Variants in CTNND2 observed in about 807,000 individuals in gnomAD.
CTNND2 encodes the protein catenin delta 2, also known as catenin delta-2.
Under a neutral mutation model 144.4 loss-of-function variants are expected in CTNND2, and 22 were observed. That is an observed-to-expected ratio of 0.15 (90% CI 0.11 to 0.22). The LOEUF is 0.22. Among genes scored for constraint, CTNND2 ranks in the 10% least tolerant of loss-of-function variants. CTNND2 has a pLI of 1.00. For missense variants in CTNND2, 1,353 were observed against 1,618.8 expected (o/e 0.84, Z 2.82); for synonymous variants, 751 against 695.6 (o/e 1.08, Z -1.25).
At position 11,304,045 on chromosome 5, in the gene CTNND2, C is replaced by T. The variant is rs188764295; in HGVS notation, c.1628+42327G>A. On this transcript the variant is annotated intron_variant, in intron 9 of 21. Coordinates refer to ENST00000304623, the MANE Select transcript of CTNND2 (RefSeq NM_001332.4). ...GTAAGAGGTGGCTTTCACCTTCCAC[C>T]GTGATTGTGAGGCCTCCCCAGCCAC... Among the ~76,000 whole-genome samples the T allele has an allele frequency of 9.9e-5, 15 of 152,230 alleles. No individual in the cohort carries two copies. The East Asian group carries it at 2.5e-3, about 25-fold the overall frequency.
rs1738170744 is a variant in CTNND2, at chr5:11,904,426, GCCGAAACCGGCC to G, written c.-585_-574del. The stretch of plus-strand genomic sequence containing the variant: ...CTAGTGAGGGAGCGTCCGCCCCGCC[GCCGAAACCGGCC>G]CCGGGTGCGGAGCATGCCCAGTGCC... On this transcript the variant is annotated 5_prime_UTR_variant, in exon 1 of 22. Coordinates refer to ENST00000304623, the MANE Select transcript of CTNND2 (RefSeq NM_001332.4). This position sits in a 1 kb window ranked among gnomAD's most constrained non-coding sequence, Gnocchi z 4.2. Among the ~76,000 whole-genome samples the G allele has an allele frequency of 6.6e-6, 1 of 151,808 alleles. No individual in the cohort carries two copies. The highest frequency in any genetic ancestry group is 2.4e-5 in the African/African-American group (1 of 41,392).
At chr5:11,338,176 C>T (rs1753904078) in intron 9 of CTNND2, among the ~76,000 whole-genome samples, 1 of 152,154 alleles carries the variant, frequency 6.6e-6, no homozygotes, top group Admixed American at 6.5e-5. Context: ...GTGAACTACA[C>T]TGAGAAGGAG....
At chr5:11,506,302 A>T (rs1771027743) in intron 3 of CTNND2, among the ~76,000 whole-genome samples, 1 of 152,168 alleles carries the variant, frequency 6.6e-6, no homozygotes, top group African/African-American at 2.4e-5. Context: ...CTTAACTAAG[A>T]CGCTTTTTCT....
chr5:10,985,669 A>AACTT (rs1342586257), intron 20 of CTNND2, among the ~76,000 whole-genome samples: 1 of 152,214 alleles, frequency 6.6e-6, no homozygotes, highest in Non-Finnish European at 1.5e-5. Context: ...CAATGCACTG[A>AACTT]ACTTTAAATG....
At chr5:11,714,778 AGG>A (rs1786257028) in intron 2 of CTNND2, among the ~76,000 whole-genome samples, 1 of 151,918 alleles carries the variant, frequency 6.6e-6, no homozygotes, top group Non-Finnish European at 1.5e-5. Flanking sequence ...GCATGGTGGC[AGG>A]TGCCTGTAGT....
chr5:11,487,749 T>C lies in CTNND2; in HGVS notation c.288-75680A>G, dbSNP rs1279828197. The stretch of plus-strand genomic sequence containing the variant: ...TTATTTTTATCTTTTGTGTCTATGG[T>C]GAAAATACTATAATGTGTTACTTTG... On this transcript the variant is annotated intron_variant, in intron 3 of 21. Transcript: ENST00000304623. Among the ~76,000 whole-genome samples, 4 of 152,204 alleles carry C rather than the reference T, an allele frequency of 2.6e-5. No individual in the cohort carries two copies. In the East Asian group the frequency reaches 7.7e-4, roughly 29 times the overall value.
intron 3 of CTNND2, among the ~76,000 whole-genome samples, chr5:11,462,001 G>A (rs1044810203): frequency 2.0e-5 from 3 of 151,916 alleles, no homozygotes; most frequent in Non-Finnish European, 2.9e-5. Context: ...AAATACCATC[G>A]AGGAGGAAAA....
At chr5:11,669,190 AG>A (rs1783740933) in intron 2 of CTNND2, among the ~76,000 whole-genome samples, 1 of 152,146 alleles carries the variant, frequency 6.6e-6, no homozygotes, top group Non-Finnish European at 1.5e-5. Flanking sequence ...GGATTTTCGC[AG>A]TGATGTTCAT....
chr5:11,290,327 A>C (rs1561160796), intron 9 of CTNND2, among the ~76,000 whole-genome samples: 1 of 152,328 alleles, frequency 6.6e-6, no homozygotes, highest in South Asian at 2.1e-4. Flanking sequence ...CCTATGAGGT[A>C]CCTGACGGGA....
chr5:11,849,961 A>G (rs941712238), intron 1 of CTNND2, among the ~76,000 whole-genome samples: 2 of 152,174 alleles, frequency 1.3e-5, no homozygotes, highest in African/African-American at 4.8e-5. Context: ...ATAAGATAGG[A>G]GGTTTAAAAT....
intron 20 of CTNND2, among the ~76,000 whole-genome samples, chr5:10,985,428 A>G (rs1737820259): frequency 6.6e-6 from 1 of 152,220 alleles, no homozygotes; most frequent in Non-Finnish European, 1.5e-5. Context: ...AAGCTAGAAA[A>G]TGAATCCAGA....
At chr5:11,340,650 A>T (rs1442448416) in intron 9 of CTNND2, among the ~76,000 whole-genome samples, 1 of 152,232 alleles carries the variant, frequency 6.6e-6, no homozygotes, top group African/African-American at 2.4e-5. Context: ...TTATGTTAAA[A>T]AGAAAATTCC....
intron 15 of CTNND2, among the ~76,000 whole-genome samples, chr5:11,095,682 T>C (rs1040208020): frequency 1.3e-5 from 2 of 152,220 alleles, no homozygotes; most frequent in African/African-American, 2.4e-5. Flanking sequence ...GAAGGAATCA[T>C]TGTATGAATG....
rs140701227 is a variant in CTNND2 at position 11,226,529 on chromosome 5, C to T, written c.1761+10162G>A. 6.8e-3 allele frequency among the ~76,000 whole-genome samples: 1,038 copies of T among 152,314 alleles called. 31 individuals carry two copies. Among genetic ancestry groups the T allele is most frequent in the Admixed American group, 0.042 (638 of 15,300 alleles). Reference sequence around the variant, plus strand: ...GTTCCACATGACTGGGGAGGCCTCACAATCATGGCGGAAGATGAAGAAAGA... The same window carrying T: ...GTTCCACATGACTGGGGAGGCCTCATAATCATGGCGGAAGATGAAGAAAGA... On this transcript the variant is annotated intron_variant, in intron 10 of 21. Transcript: ENST00000304623.
intron 16 of CTNND2, among the ~76,000 whole-genome samples, chr5:11,062,425 T>C (rs1747099066): frequency 6.6e-6 from 1 of 152,228 alleles, no homozygotes. Context: ...TAGTCTTAAT[T>C]AGCTTCAAAT....
At chr5:11,584,321 G>A (rs532308430) in intron 2 of CTNND2, among the ~76,000 whole-genome samples, 2 of 151,632 alleles carry the variant, frequency 1.3e-5, no homozygotes, top group African/African-American at 4.8e-5. Context: ...AAAGGATGCA[G>A]AAAGGCTCTA....
At chr5:11,284,362 T>C (rs1747506053) in intron 9 of CTNND2, among the ~76,000 whole-genome samples, 1 of 152,170 alleles carries the variant, frequency 6.6e-6, no homozygotes, top group South Asian at 2.1e-4. Context: ...TATCAACCTA[T>C]CACCTAGGTA....
At chr5:11,379,714 G>A (rs937658302) in intron 7 of CTNND2, among the ~76,000 whole-genome samples, 6 of 152,100 alleles carry the variant, frequency 3.9e-5, no homozygotes, top group African/African-American at 1.4e-4. Context: ...AAGCAGTGAA[G>A]GACTACTTCA....
chr5:11,097,317 G>C (rs1751450616), intron 15 of CTNND2, among the ~76,000 whole-genome samples: 1 of 152,186 alleles, frequency 6.6e-6, no homozygotes, highest in South Asian at 2.1e-4. Context: ...TCTACCTGGT[G>C]CAACTCTGCT....
Sources: gnomAD v4.1 joint callset for allele counts (sites outside exome capture counted in the v4.1 genomes callset) on GRCh38, gnomAD v4.1.1 for gene constraint, Gnocchi (gnomAD v3.1) non-coding constraint, MANE v1.5 for transcripts, NCBI Gene and HGNC (gene_info 2026-07-23, HGNC 2026-07-21) for gene names.